The following ALKBH3 variants were observed in gnomAD, a reference collection of about 807,000 sequenced individuals.
ALKBH3 encodes alpha-ketoglutarate-dependent dioxygenase alkB homolog 3.
In ALKBH3, 51 loss-of-function variants were observed where a neutral mutation model predicts 43.9. The ratio of observed to expected loss-of-function variants is 1.16; its 90% CI spans 0.93 to 1.47. ALKBH3 has a LOEUF of 1.47. ALKBH3 is among the 40% of genes most tolerant of loss of function. ALKBH3 has a pLI of 0.00. For synonymous variants in ALKBH3, 102 were observed against 115.2 expected, an observed-to-expected ratio of 0.89 and a Z score of 0.73; for missense variants, 361 against 351.9, an observed-to-expected ratio of 1.03 and a Z score of -0.21.
At chr11:43,911,615 C>T (rs1951939558) in intron 8 of ALKBH3, among the ~76,000 whole-genome samples, 1 of 152,318 alleles carries the variant, frequency 6.6e-6, no homozygotes, top group East Asian at 1.9e-4. Context: ...CCTGGCTCTG[C>T]TCTAACTTCT....
At chr11:43,916,057 TTGA>T (rs1405814140) in intron 8 of ALKBH3, among the ~76,000 whole-genome samples, 1 of 152,236 alleles carries the variant, frequency 6.6e-6, no homozygotes, top group African/African-American at 2.4e-5. Context: ...TTTTAAAGCA[TTGA>T]TGATTGTTTG....
chr11:43,882,855 T>C (rs1590364041), intron 2 of ALKBH3, 124 bp downstream of exon 2: 3 of 1,176,738 alleles, frequency 2.5e-6, no homozygotes, highest in Middle Eastern at 4.0e-4. Context: ...GTTTAAAATG[T>C]GGCTGATATT....
At chr11:43,898,474 A>T in intron 7 of ALKBH3, 1 of 940,582 alleles carries the variant, frequency 1.1e-6, no homozygotes, top group East Asian at 2.5e-5. Flanking sequence ...GCTGGGGCAG[A>T]TGGACACCAA....
intron 8 of ALKBH3, among the ~76,000 whole-genome samples, chr11:43,907,112 A>G (rs1590377614): frequency 6.6e-6 from 1 of 152,136 alleles, no homozygotes; most frequent in Non-Finnish European, 1.5e-5. Flanking sequence ...AGGGAGGGTA[A>G]GGTGGCCTGT....
chr11:43,886,745 C>T (rs1951749241), intron 5 of ALKBH3, 92 bp downstream of exon 5: 3 of 1,229,674 alleles, frequency 2.4e-6, no homozygotes, highest in South Asian at 1.3e-5. Flanking sequence ...AAATGTAGTA[C>T]ATATACATTA....
At chr11:43,908,493 G>A (rs1306072414) in intron 8 of ALKBH3, among the ~76,000 whole-genome samples, 2 of 152,032 alleles carry the variant, frequency 1.3e-5, no homozygotes, top group Non-Finnish European at 2.9e-5. Context: ...AGGATGAAGG[G>A]CATTTGTTTC....
chr11:43,888,336 CAA>C (rs754221108), intron 5 of ALKBH3, among the ~76,000 whole-genome samples: 2 of 146,082 alleles, frequency 1.4e-5, no homozygotes, highest in Non-Finnish European at 3.0e-5. Context: ...CTCCTGGGCT[CAA>C]GTGATCTGCC....
chr11:43,882,649 C>T lies in ALKBH3; in HGVS notation c.-4C>T. 1 of 1,610,792 alleles carries T rather than the reference C, an allele frequency of 6.2e-7. No homozygotes were observed. The highest frequency in any genetic ancestry group is 8.5e-7 in the Non-Finnish European group (1 of 1,179,040). ...AGCTCGGAGCAGAAGCCTTTTTGGTCAACATGGAGGAAAAAAGACGGCGAG... is the reference window on the plus strand; with the variant it reads ...AGCTCGGAGCAGAAGCCTTTTTGGTTAACATGGAGGAAAAAAGACGGCGAG... On this transcript the variant is annotated 5_prime_UTR_variant, in exon 2 of 10. Coordinates refer to ENST00000302708, the MANE Select transcript of ALKBH3 (RefSeq NM_139178.4).
At chr11:43,913,737 C>T (rs1951959939) in intron 8 of ALKBH3, among the ~76,000 whole-genome samples, 1 of 152,226 alleles carries the variant, frequency 6.6e-6, no homozygotes, top group Non-Finnish European at 1.5e-5. Flanking sequence ...TACAAGTCTG[C>T]TAAGGTGACT....
chr11:43,886,514 G>A (rs1951747393), intron 4 of ALKBH3, 92 bp from the exon 5 acceptor site: 11 of 1,285,686 alleles, frequency 8.6e-6, no homozygotes, highest in Admixed American at 5.5e-5. Flanking sequence ...TGGTGAGCCA[G>A]GACTTTGGCA....
At position 43,901,829 on chromosome 11, in the gene ALKBH3, A is replaced by G. The variant is rs1951866149; in HGVS notation, c.669+104A>G. 2.2e-6 allele frequency: 3 copies of G among 1,335,762 alleles called. No individual in the cohort carries two copies. The African/African-American group carries it at 4.4e-5, about 19-fold the overall frequency. 82.7% of individuals were successfully genotyped at this position (1,335,762 alleles called of 1,614,324 possible). On this transcript the variant is annotated intron_variant, in intron 8 of 9. Coordinates refer to ENST00000302708, the MANE Select transcript of ALKBH3 (RefSeq NM_139178.4). ...TTTCAGATTTCGAGCATGGGAATAC[A>G]CATTTTGTTGATGAAACATTTTCAA...
intron 8 of ALKBH3, among the ~76,000 whole-genome samples, chr11:43,915,568 T>C (rs573030010): frequency 1.3e-5 from 2 of 152,308 alleles, no homozygotes; most frequent in African/African-American, 4.8e-5. Context: ...TGAAAATCAA[T>C]CTCCAACCAT....
chr11:43,887,985 G>T (rs1262186354), intron 5 of ALKBH3, among the ~76,000 whole-genome samples: 2 of 150,564 alleles, frequency 1.3e-5, no homozygotes, highest in East Asian at 4.0e-4. Flanking sequence ...TTTTAGTAGA[G>T]ACGAGGTTTC....
chr11:43,912,495 A>G lies in ALKBH3; in HGVS notation c.670-6543A>G, dbSNP rs1410159489. ...GTGCTTCCTGTGAACCTGTAAAACA[A>G]GAAACAGGTAGCAGGCTTCTACCTT... On this transcript the variant is annotated intron_variant, in intron 8 of 9. Transcript: ENST00000302708. The G allele has an allele frequency of 5.3e-5, 8 of 152,362 alleles. No individual in the cohort carries two copies. In the South Asian group the frequency reaches 1.2e-3, roughly 24 times the overall value. 9.4% of individuals were successfully genotyped at this position (152,362 alleles called of 1,614,324 possible).
chr11:43,919,900 A>G lies in ALKBH3; in HGVS notation c.769-18A>G. The G allele has an allele frequency of 6.2e-7, 1 of 1,604,004 alleles. No homozygotes were observed. Among genetic ancestry groups the G allele is most frequent in the Non-Finnish European group, 8.5e-7 (1 of 1,170,882 alleles). Reference sequence around the variant, plus strand: ...GTATGTGTGTATTTATGTCAGAGTTATGTGTATTTCCATTTAGCATCGAGT... The same window carrying G: ...GTATGTGTGTATTTATGTCAGAGTTGTGTGTATTTCCATTTAGCATCGAGT... On this transcript the variant is annotated intron_variant, in intron 9 of 9. Coordinates refer to ENST00000302708, the MANE Select transcript of ALKBH3 (RefSeq NM_139178.4).
chr11:43,899,533 T>A, intron 7 of ALKBH3: 2 of 684,296 alleles, frequency 2.9e-6, no homozygotes, highest in Middle Eastern at 3.5e-4. Context: ...CTCCAGCCAG[T>A]CTCACTCCAG....
chr11:43,890,991 A>G (rs1426775444), intron 6 of ALKBH3, among the ~76,000 whole-genome samples: 1 of 152,192 alleles, frequency 6.6e-6, no homozygotes, highest in African/African-American at 2.4e-5. Flanking sequence ...TAGTTGTTAT[A>G]CTGTTTTTTA....
chr11:43,905,950 G>A, intron 8 of ALKBH3, among the ~76,000 whole-genome samples: 1 of 152,306 alleles, frequency 6.6e-6, no homozygotes, highest in Non-Finnish European at 1.5e-5. Flanking sequence ...TGGCTGGGGG[G>A]TGTTATTAGA....
In ALKBH3 at chr11:43,901,732, A is replaced by T; in HGVS notation, c.669+7A>T. The T allele has an allele frequency of 6.2e-7, 1 of 1,613,906 alleles. No homozygotes were observed. Among genetic ancestry groups the T allele is most frequent in the Non-Finnish European group, 8.5e-7 (1 of 1,179,772 alleles). On this transcript the variant is annotated splice_region_variant and intron_variant, in intron 8 of 9. Coordinates refer to ENST00000302708, the MANE Select transcript of ALKBH3 (RefSeq NM_139178.4). ...GAGAAAGAAGCCACCACCAGTGAGTATTCTCTTTTTCTTATGCTCTTCCTG... is the reference window on the plus strand; with the variant it reads ...GAGAAAGAAGCCACCACCAGTGAGTTTTCTCTTTTTCTTATGCTCTTCCTG...
Sources: gnomAD v4.1 joint callset for allele counts (sites outside exome capture counted in the v4.1 genomes callset) on GRCh38, gnomAD v4.1.1 for gene constraint, MANE v1.5 for transcripts, NCBI Gene and HGNC (gene_info 2026-07-23, HGNC 2026-07-21) for gene names.